The following STPG2 variants were observed in gnomAD, a reference collection of about 807,000 sequenced individuals.
The protein encoded by STPG2 is sperm-tail PG-rich repeat-containing protein 2.
In STPG2, 56 loss-of-function variants were observed where a neutral mutation model predicts 54.2. That is an observed-to-expected ratio of 1.03 (90% CI 0.83 to 1.29). STPG2 has a LOEUF of 1.29. Ranked by LOEUF, STPG2 falls within the 50% of genes most tolerant of loss-of-function variation. STPG2 has a pLI of 0.00. For missense variants in STPG2, 596 were observed against 544.9 expected, an observed-to-expected ratio of 1.09 and a Z score of -0.93; for synonymous variants, 200 against 181.8, an observed-to-expected ratio of 1.10 and a Z score of -0.81.
At chr4:97,760,124 G>C (rs990904913) in intron 9 of STPG2, among the ~76,000 whole-genome samples, 1 of 151,952 alleles carries the variant, frequency 6.6e-6, no homozygotes, top group Admixed American at 6.6e-5. Flanking sequence ...ATTGATTTTC[G>C]CACATCTAAA....
chr4:97,936,114 T>TCC (rs1018702054), intron 8 of STPG2, among the ~76,000 whole-genome samples: 1 of 152,234 alleles, frequency 6.6e-6, no homozygotes, highest in Non-Finnish European at 1.5e-5. Context: ...ATTAAATTCA[T>TCC]CCCTTTACCG....
At chr4:98,007,428 A>G (rs546848065) in intron 5 of STPG2, among the ~76,000 whole-genome samples, 1 of 152,214 alleles carries the variant, frequency 6.6e-6, no homozygotes, top group Non-Finnish European at 1.5e-5. Context: ...CCTACTCAGC[A>G]TACATTATAA....
intron 4 of STPG2, among the ~76,000 whole-genome samples, chr4:97,549,060 A>C (rs1262994735): frequency 1.3e-5 from 2 of 152,250 alleles, no homozygotes; most frequent in Admixed American, 1.3e-4. Flanking sequence ...CAGCCTACGA[A>C]ATGGAATAAA....
At chr4:97,756,557 C>T (rs1307081556) in intron 9 of STPG2, among the ~76,000 whole-genome samples, 2 of 152,062 alleles carry the variant, frequency 1.3e-5, no homozygotes, top group Non-Finnish European at 1.5e-5. Flanking sequence ...AACTCCTGAC[C>T]TCAGGTGATC....
intron 4 of STPG2, among the ~76,000 whole-genome samples, chr4:97,550,496 T>C (rs2136080): frequency 0.087 from 13,275 of 152,214 alleles, 821 homozygotes; most frequent in South Asian, 0.2. Context: ...AATAGCCTAG[T>C]TTAGAAAAAT....
intron 10 of STPG2, among the ~76,000 whole-genome samples, chr4:97,583,666 G>A (rs1732920862): frequency 6.6e-6 from 1 of 151,634 alleles, no homozygotes; most frequent in South Asian, 2.1e-4. Flanking sequence ...ATAAACTTAA[G>A]GTAAAGAGAT....
At chr4:97,820,125 T>C (rs1728038440) in intron 9 of STPG2, among the ~76,000 whole-genome samples, 1 of 152,132 alleles carries the variant, frequency 6.6e-6, no homozygotes, top group Admixed American at 6.6e-5. Context: ...ATTATTATTA[T>C]TATATCTGTT....
chr4:98,041,415 G>A (rs1313300765), intron 5 of STPG2, among the ~76,000 whole-genome samples: 3 of 151,702 alleles, frequency 2.0e-5, no homozygotes, highest in Non-Finnish European at 4.4e-5. Flanking sequence ...CTTCTTGTGG[G>A]AGAAGAGGAT....
chr4:97,926,818 G>T (rs1284920159), intron 8 of STPG2, among the ~76,000 whole-genome samples: 3 of 152,054 alleles, frequency 2.0e-5, no homozygotes, highest in Admixed American at 2.0e-4. Flanking sequence ...ATGATGAAAA[G>T]AGACCACAGG....
chr4:97,851,788 T>C (rs896264763), intron 8 of STPG2, among the ~76,000 whole-genome samples: 1 of 152,154 alleles, frequency 6.6e-6, no homozygotes, highest in African/African-American at 2.4e-5. Flanking sequence ...CTTTGACTTT[T>C]AATGCTTAAG....
chr4:98,121,075 T>C (rs1016094381), intron 3 of STPG2, among the ~76,000 whole-genome samples: 28 of 152,348 alleles, frequency 1.8e-4, no homozygotes, highest in South Asian at 1.0e-3. Context: ...CTAATTTTTG[T>C]ATAAGGCATA....
chr4:97,796,375 T>G (rs921495278), intron 9 of STPG2, among the ~76,000 whole-genome samples: 33 of 152,174 alleles, frequency 2.2e-4, no homozygotes, highest in East Asian at 1.4e-3. Context: ...ATTAATTTTT[T>G]TATAAGGTGT....
At chr4:97,467,958 T>C (rs1729829311) in intron 4 of STPG2, among the ~76,000 whole-genome samples, 1 of 151,842 alleles carries the variant, frequency 6.6e-6, no homozygotes, top group Non-Finnish European at 1.5e-5. Context: ...ATAAACATTA[T>C]ATTATCTCTA....
chr4:98,010,302 A>G (rs1735705271), intron 5 of STPG2, among the ~76,000 whole-genome samples: 1 of 151,934 alleles, frequency 6.6e-6, no homozygotes, highest in Non-Finnish European at 1.5e-5. Flanking sequence ...TTCCATTTTC[A>G]TTTGTTTCAA....
At chr4:97,639,530 C>T (rs1721690770) in intron 10 of STPG2, among the ~76,000 whole-genome samples, 2 of 150,800 alleles carry the variant, frequency 1.3e-5, no homozygotes, top group Admixed American at 6.6e-5. Context: ...AACTGATTCA[C>T]GTAAGAACTT....
chr4:97,541,267 CAA>C (rs1388578528), intron 4 of STPG2, among the ~76,000 whole-genome samples: 1 of 152,074 alleles, frequency 6.6e-6, no homozygotes, highest in Non-Finnish European at 1.5e-5. Context: ...GCAACTTCAG[CAA>C]AGTCTCAGGA....
chr4:97,834,386 A>G (rs572892098), intron 9 of STPG2, among the ~76,000 whole-genome samples: 1 of 152,230 alleles, frequency 6.6e-6, no homozygotes, highest in African/African-American at 2.4e-5. Context: ...GAGGGATAGC[A>G]CTAGGAGAAA....
chr4:98,023,989 G>A (rs979661902), intron 5 of STPG2, among the ~76,000 whole-genome samples: 1 of 152,078 alleles, frequency 6.6e-6, no homozygotes, highest in Admixed American at 6.5e-5. Flanking sequence ...TCCCGAGTGA[G>A]GCAATGCCTC....
chr4:97,947,290 A>C (rs1384109692), intron 7 of STPG2, among the ~76,000 whole-genome samples: 4 of 151,542 alleles, frequency 2.6e-5, no homozygotes, highest in African/African-American at 9.7e-5. Context: ...AGGCTTATCC[A>C]GTCAACACTT....
Sources: allele counts gnomAD v4.1 joint callset (sites outside exome capture counted in the v4.1 genomes callset), GRCh38; gene constraint gnomAD v4.1.1; transcripts MANE v1.5; gene names NCBI Gene and HGNC (gene_info 2026-07-23, HGNC 2026-07-21).